Variants in SPPL3 observed in about 807,000 individuals in gnomAD.
The protein encoded by SPPL3 is signal peptide peptidase like 3.
A neutral mutation model predicts 42.4 loss-of-function variants in SPPL3; 5 were observed. That is an observed-to-expected ratio of 0.12 (90% CI 0.06 to 0.25). The LOEUF (loss-of-function observed/expected upper bound fraction) is 0.25. SPPL3 is among the 10% of genes least tolerant of loss of function. The pLI is 1.00. For missense variants in SPPL3, 235 were observed against 489.0 expected (o/e 0.48, Z 4.90); for synonymous variants, 195 against 181.8 (o/e 1.07, Z -0.58).
intron 2 of SPPL3, among the ~76,000 whole-genome samples, chr12:120,795,157 G>A (rs897259589): frequency 3.3e-5 from 5 of 152,104 alleles, no homozygotes; most frequent in Non-Finnish European, 2.9e-5. Context: ...TGCCCAGGCT[G>A]GTCTCAAACA....
At chr12:120,831,597 A>G (rs589667) in intron 1 of SPPL3, among the ~76,000 whole-genome samples, 146,681 of 152,310 alleles carry the variant, frequency 0.96, 70,879 homozygotes, top group East Asian at 1. Context: ...TTGTATCTCT[A>G]ATACAGCTTT....
intron 1 of SPPL3, among the ~76,000 whole-genome samples, chr12:120,877,143 T>C (rs1873130123): frequency 6.6e-6 from 1 of 152,092 alleles, no homozygotes; most frequent in Non-Finnish European, 1.5e-5. Flanking sequence ...AATTTCAACA[T>C]AAATTGGGAT....
intron 6 of SPPL3, among the ~76,000 whole-genome samples, chr12:120,773,107 GACTGAA>G (rs1287476260): frequency 1.3e-5 from 2 of 152,158 alleles, no homozygotes; most frequent in Non-Finnish European, 2.9e-5. Context: ...GCAAAGGGAT[GACTGAA>G]ACATGATGTT....
chr12:120,900,743 A>C (rs1377156154), intron 1 of SPPL3, among the ~76,000 whole-genome samples: 1 of 151,990 alleles, frequency 6.6e-6, no homozygotes, highest in Non-Finnish European at 1.5e-5. Flanking sequence ...CCCTGTCTCT[A>C]GTAAAAATAC....
At chr12:120,785,255 C>CA (rs34930618) in intron 3 of SPPL3, among the ~76,000 whole-genome samples, 36,032 of 146,600 alleles carry the variant, frequency 0.25, 5,412 homozygotes, top group African/African-American at 0.42. Context: ...TTAATATTTA[C>CA]AAAAAAAAAA....
intron 1 of SPPL3, among the ~76,000 whole-genome samples, chr12:120,902,217 C>T (rs1160693308): frequency 6.6e-6 from 1 of 152,144 alleles, no homozygotes; most frequent in Non-Finnish European, 1.5e-5. Flanking sequence ...TTAATTCTTC[C>T]TTTAGGGTTA....
intron 2 of SPPL3, among the ~76,000 whole-genome samples, chr12:120,801,758 C>T (rs189848752): frequency 6.6e-6 from 1 of 152,294 alleles, no homozygotes; most frequent in African/African-American, 2.4e-5. Flanking sequence ...TTAAGACCAG[C>T]AGGCTTTATA....
At position 120,903,906 on chromosome 12, in the gene SPPL3, G is replaced by A. The variant is rs966130768; in HGVS notation, c.-39C>T. 9.7e-6 allele frequency: 13 copies of A among 1,341,316 alleles called. No homozygotes were observed. The highest frequency in any genetic ancestry group is 1.2e-5 in the Non-Finnish European group (13 of 1,048,190). 83.1% of individuals were successfully genotyped at this position (1,341,316 alleles called of 1,614,324 possible). On this transcript the variant is annotated 5_prime_UTR_variant, in exon 1 of 11. Transcript: ENST00000353487. ...GTGGGCTCCGCTGCAGGCTGTGGCC[G>A]GGCCCGGCGGCGGCGGGCTCGCTCG...
intron 1 of SPPL3, among the ~76,000 whole-genome samples, chr12:120,887,775 A>G (rs1460434674): frequency 6.6e-6 from 1 of 152,198 alleles, no homozygotes; most frequent in Non-Finnish European, 1.5e-5. Flanking sequence ...CAAACCCTTA[A>G]TTAAATATAA....
intron 1 of SPPL3, among the ~76,000 whole-genome samples, chr12:120,867,468 C>T (rs1314537251): frequency 6.6e-6 from 1 of 152,030 alleles, no homozygotes; most frequent in Non-Finnish European, 1.5e-5. Context: ...AGATCGAGAC[C>T]ATCCTGGCTA....
intron 1 of SPPL3, among the ~76,000 whole-genome samples, chr12:120,818,371 C>T (rs1212291191): frequency 1.3e-5 from 2 of 152,212 alleles, no homozygotes; most frequent in Non-Finnish European, 2.9e-5. Context: ...TCTTTAACTA[C>T]ATTCCTGCAA....
At chr12:120,887,923 G>A (rs1356669302) in intron 1 of SPPL3, among the ~76,000 whole-genome samples, 2 of 152,196 alleles carry the variant, frequency 1.3e-5, no homozygotes, top group African/African-American at 2.4e-5. Context: ...ATGTAAAATG[G>A]TGCAGCCGTT....
Position 120,851,614 on chromosome 12 carries a change from GTTTTT to G in SPPL3, c.24-40733_24-40729del, listed in dbSNP as rs1485990806. ...CGTTTCCTGTTTCACATTCTTTTTT[GTTTTT>G]TTGAGACAGGGTTTCACTCTGTCAC... is the stretch of plus-strand genomic sequence containing the variant. On this transcript the variant is annotated intron_variant, in intron 1 of 10. Coordinates refer to ENST00000353487, the MANE Select transcript of SPPL3 (RefSeq NM_139015.5). Among the ~76,000 whole-genome samples, 6 of 151,906 alleles carry G rather than the reference GTTTTT, an allele frequency of 3.9e-5. No homozygotes were observed. The South Asian group carries it at 1.3e-3, about 32-fold the overall frequency.
At chr12:120,845,398 G>C in intron 1 of SPPL3, 1 of 375,098 alleles carries the variant, frequency 2.7e-6, no homozygotes, top group Non-Finnish European at 5.3e-6. Context: ...AATCAGGCCT[G>C]TGTGTTCTGG....
intron 1 of SPPL3, among the ~76,000 whole-genome samples, chr12:120,868,093 A>C (rs1372360666): frequency 6.6e-6 from 1 of 152,160 alleles, no homozygotes; most frequent in African/African-American, 2.4e-5. Flanking sequence ...GTGAGACCTC[A>C]TCTTTACAAA....
At chr12:120,829,915 A>G (rs1871343394) in intron 1 of SPPL3, among the ~76,000 whole-genome samples, 1 of 151,634 alleles carries the variant, frequency 6.6e-6, no homozygotes, top group Non-Finnish European at 1.5e-5. Context: ...AATCACTTGA[A>G]TGCGCGAGAT....
intron 1 of SPPL3, among the ~76,000 whole-genome samples, chr12:120,835,249 A>G (rs1175394469): frequency 1.3e-5 from 2 of 152,252 alleles, no homozygotes; most frequent in Non-Finnish European, 2.9e-5. Flanking sequence ...TCTTAGCCAA[A>G]TAACATATAA....
intron 1 of SPPL3, among the ~76,000 whole-genome samples, chr12:120,830,606 A>AGAGAGAGAGAGAGAGAGAGAGAGAG (rs377406347): frequency 3.6e-4 from 45 of 124,626 alleles, no homozygotes; most frequent in South Asian, 8.4e-4. Flanking sequence ...AGAGAGAGAG[A>AGAGAGAGAGAGAGAGAGAGAGAGAG]AGGTGTACAT....
In SPPL3 at chr12:120,844,270, C is replaced by A. The variant is rs149756295; in HGVS notation, c.24-33384G>T. 3.3e-5 allele frequency among the ~76,000 whole-genome samples: 5 copies of A among 152,272 alleles called. No homozygotes were observed. In the East Asian group the frequency reaches 9.6e-4, roughly 29 times the overall value. On this transcript the variant is annotated intron_variant, in intron 1 of 10. Transcript: ENST00000353487. ...AATGAACCATACCTCCAAAACATAG[C>A]CTAAACCCTTCCACTTCTGTTTCCC...
Sources: allele counts gnomAD v4.1 joint callset (sites outside exome capture counted in the v4.1 genomes callset), GRCh38; gene constraint gnomAD v4.1.1; transcripts MANE v1.5; gene names NCBI Gene and HGNC (gene_info 2026-07-23, HGNC 2026-07-21).